Variants in NUP93 observed in about 807,000 individuals in gnomAD.
NUP93 encodes the protein nucleoporin 93.
Under a neutral mutation model 107.8 loss-of-function variants are expected in NUP93, and 55 were observed. That is an observed-to-expected ratio of 0.51 (90% CI 0.41 to 0.64). NUP93 has a LOEUF of 0.64. Ranked by LOEUF, NUP93 falls within the 30% of genes least tolerant of loss-of-function variation. The pLI, the probability that NUP93 is intolerant of heterozygous loss-of-function variation, is 0.00. For synonymous variants in NUP93, 390 were observed against 397.5 expected, an observed-to-expected ratio of 0.98 and a Z score of 0.22; for missense variants, 937 against 1,044.7, an observed-to-expected ratio of 0.90 and a Z score of 1.42.
intron 3 of NUP93, among the ~76,000 whole-genome samples, chr16:56,780,171 AC>A (rs755825259): frequency 1.2e-4 from 19 of 152,118 alleles, no homozygotes; most frequent in Admixed American, 3.3e-4. Flanking sequence ...TGTTAGTGGT[AC>A]CTTGTATTGG....
Position 56,771,652 on chromosome 16 carries a change from C to T in NUP93, c.297+12997C>T, listed in dbSNP as rs186289797. ...AATGCTACTTAGAAGAGTAATTTGG[C>T]GTGATTGGCTTCTGTGGACTGTGCA... On this transcript the variant is annotated intron_variant, in intron 3 of 21. Transcript: ENST00000308159. Among the ~76,000 whole-genome samples the T allele has an allele frequency of 3.4e-4, 52 of 152,258 alleles. 1 individual carries two copies. Among genetic ancestry groups the T allele is most frequent in the Admixed American group, 2.7e-3 (41 of 15,300 alleles).
At chr16:56,770,098 C>G (rs1383806724) in intron 3 of NUP93, among the ~76,000 whole-genome samples, 1 of 152,326 alleles carries the variant, frequency 6.6e-6, no homozygotes, top group East Asian at 1.9e-4. Context: ...AACTGGTACT[C>G]TTTGGGCTAT....
chr16:56,758,895 T>C (rs1224952761), intron 3 of NUP93, among the ~76,000 whole-genome samples: 1 of 152,232 alleles, frequency 6.6e-6, no homozygotes, highest in Non-Finnish European at 1.5e-5. Context: ...TTTTAGATTA[T>C]TATAATTAGG....
chr16:56,768,189 T>C (rs1175573798), intron 3 of NUP93, among the ~76,000 whole-genome samples: 2 of 152,186 alleles, frequency 1.3e-5, no homozygotes, highest in East Asian at 1.9e-4. Context: ...CAAGTTTAAA[T>C]AGTTGTGTTT....
At chr16:56,790,318 T>C (rs1277087742) in intron 3 of NUP93, among the ~76,000 whole-genome samples, 1 of 152,346 alleles carries the variant, frequency 6.6e-6, no homozygotes, top group Non-Finnish European at 1.5e-5. Context: ...TAAACCCTTA[T>C]GGAAGTTCAC....
chr16:56,832,918 A>G (rs545872032), intron 12 of NUP93, among the ~76,000 whole-genome samples: 1 of 152,366 alleles, frequency 6.6e-6, no homozygotes, highest in African/African-American at 2.4e-5. Context: ...TCTGTGGTCC[A>G]TTTTAAGGTC....
intron 2 of NUP93, among the ~76,000 whole-genome samples, chr16:56,756,557 G>C (rs1011080478): frequency 6.6e-6 from 1 of 152,010 alleles, no homozygotes; most frequent in Non-Finnish European, 1.5e-5. Flanking sequence ...TGGGCATTTG[G>C]GTTGGTTCCA....
At chr16:56,780,738 A>T (rs1219489510) in intron 3 of NUP93, among the ~76,000 whole-genome samples, 1 of 152,160 alleles carries the variant, frequency 6.6e-6, no homozygotes, top group African/African-American at 2.4e-5. Context: ...TGAAATTGGC[A>T]AATATTATGT....
At chr16:56,825,314 C>T (rs910598070) in intron 8 of NUP93, among the ~76,000 whole-genome samples, 6 of 147,692 alleles carry the variant, frequency 4.1e-5, no homozygotes, top group Non-Finnish European at 8.9e-5. Flanking sequence ...CGGGTTCAGG[C>T]GATTCTCCTG....
chr16:56,821,660 G>A (rs572951358), intron 7 of NUP93, 67 bp downstream of exon 7: 8 of 1,011,418 alleles, frequency 7.9e-6, no homozygotes, highest in South Asian at 2.7e-5. Flanking sequence ...GCAACTTGCC[G>A]ATTTGGTTGA....
intron 3 of NUP93, among the ~76,000 whole-genome samples, chr16:56,768,590 A>G (rs1417995404): frequency 1.4e-5 from 2 of 146,098 alleles, no homozygotes; most frequent in Non-Finnish European, 1.5e-5. Context: ...TTTTTTGGCC[A>G]GGTGTGGTGG....
intron 3 of NUP93, among the ~76,000 whole-genome samples, chr16:56,784,856 G>A (rs1156852749): frequency 6.6e-6 from 1 of 152,112 alleles, no homozygotes; most frequent in East Asian, 1.9e-4. Context: ...CTCACTGAGT[G>A]CTGTCTTCTC....
intron 8 of NUP93, 93 bp downstream of exon 8, chr16:56,823,939 G>A (rs1383292458): frequency 1.4e-6 from 2 of 1,440,470 alleles, no homozygotes; most frequent in Non-Finnish European, 1.9e-6. Flanking sequence ...TAGGTGTGCT[G>A]TAGGTATAAT....
At chr16:56,748,082 A>G (rs1961852331) in intron 1 of NUP93, 152 bp from the exon 2 acceptor site, 6 of 521,980 alleles carry the variant, frequency 1.1e-5, no homozygotes, top group Admixed American at 3.2e-5. Context: ...TTCTTGGGCT[A>G]TGTTCAGGAA....
chr16:56,785,439 A>T (rs1481981068), intron 3 of NUP93, among the ~76,000 whole-genome samples: 1 of 151,942 alleles, frequency 6.6e-6, no homozygotes, highest in Non-Finnish European at 1.5e-5. Flanking sequence ...GGATTCCTGA[A>T]CCTCTTCAAT....
chr16:56,810,511 A>G (rs1040475312), intron 5 of NUP93, among the ~76,000 whole-genome samples: 1 of 152,122 alleles, frequency 6.6e-6, no homozygotes, highest in Non-Finnish European at 1.5e-5. Flanking sequence ...ATGCTCCTGT[A>G]GTCTGGGCTA....
chr16:56,783,957 G>A (rs1346331674), intron 3 of NUP93: 23 of 872,602 alleles, frequency 2.6e-5, no homozygotes, highest in East Asian at 1.2e-4. Flanking sequence ...TTAAATGAAC[G>A]CTGCAAATAT....
intron 4 of NUP93, among the ~76,000 whole-genome samples, chr16:56,799,555 A>T (rs1166611575): frequency 6.6e-6 from 1 of 152,248 alleles, no homozygotes; most frequent in East Asian, 1.9e-4. Context: ...TGGTTCTAGA[A>T]GTGCAGCTTT....
At chr16:56,759,015 C>T (rs75337199) in intron 3 of NUP93, among the ~76,000 whole-genome samples, 1,874 of 152,296 alleles carry the variant, frequency 0.012, 61 homozygotes, top group Admixed American at 0.073. Context: ...TATTCGTCTT[C>T]CACATTTCTT....
Sources: gnomAD v4.1 joint callset for allele counts (sites outside exome capture counted in the v4.1 genomes callset) on GRCh38, gnomAD v4.1.1 for gene constraint, MANE v1.5 for transcripts, NCBI Gene and HGNC (gene_info 2026-07-23, HGNC 2026-07-21) for gene names.